The following ADAM28 variants were observed in gnomAD, a reference collection of about 807,000 sequenced individuals.
ADAM28 encodes the protein disintegrin and metalloproteinase domain-containing protein 28.
Under a neutral mutation model 101.2 loss-of-function variants are expected in ADAM28, and 105 were observed. The observed-to-expected ratio is 1.04, with a 90% CI of 0.89 to 1.22. ADAM28 has a LOEUF of 1.22. Among genes scored for constraint, ADAM28 ranks in the 50% most tolerant of loss-of-function variants. The pLI is 0.00. For missense variants in ADAM28, 1,028 were observed against 945.4 expected (o/e 1.09, Z -1.15); for synonymous variants, 322 against 310.6 (o/e 1.04, Z -0.39).
chr8:24,304,618 C>A (rs568753020), intron 2 of ADAM28, among the ~76,000 whole-genome samples: 4 of 152,110 alleles, frequency 2.6e-5, no homozygotes. Flanking sequence ...GTAATCCCAG[C>A]ACTTTGGGAG....
At chr8:24,324,193 C>T (rs1282563390) in intron 9 of ADAM28, among the ~76,000 whole-genome samples, 190 bp downstream of exon 9, 1 of 151,060 alleles carries the variant, frequency 6.6e-6, no homozygotes, top group African/African-American at 2.4e-5. Flanking sequence ...AATAATTTGG[C>T]AATAATTTAT....
At chr8:24,337,381 G>C (rs961273081) in intron 14 of ADAM28, among the ~76,000 whole-genome samples, 8 of 152,176 alleles carry the variant, frequency 5.3e-5, no homozygotes, top group South Asian at 2.1e-4. Flanking sequence ...TTATTATCTT[G>C]TAGTAAATAT....
rs1033798366 is a variant in ADAM28 at position 24,357,986 on chromosome 8, A to G, written c.*3582A>G. ...CTCCTGTTCACTAATTTCAAAATTT[A>G]TAGTTGTTTCTCTTGTTTACTTATA... On this transcript the variant is annotated 3_prime_UTR_variant, in exon 23 of 23. Transcript: ENST00000265769. The G allele has an allele frequency of 9.2e-5, 13 of 141,136 alleles. No individual in the cohort carries two copies. The highest frequency in any genetic ancestry group is 7.4e-5 in the African/African-American group (3 of 40,606). 8.7% of individuals were successfully genotyped at this position (141,136 alleles called of 1,614,324 possible). A position where few individuals can be genotyped will look rare whatever the true frequency, so the allele number is the denominator to read the frequency against.
At chr8:24,307,611 G>A (rs988306817) in intron 2 of ADAM28, among the ~76,000 whole-genome samples, 1 of 152,086 alleles carries the variant, frequency 6.6e-6, no homozygotes, top group African/African-American at 2.4e-5. Context: ...GTAAACTAAT[G>A]GACAAATGAA....
chr8:24,298,791 G>C (rs1305667450), intron 1 of ADAM28, among the ~76,000 whole-genome samples: 3 of 152,186 alleles, frequency 2.0e-5, no homozygotes, highest in Non-Finnish European at 2.9e-5. Context: ...CAGCTAAGGA[G>C]CAGGTCTATC....
chr8:24,310,223 C>T lies in ADAM28; in HGVS notation c.288C>T (p.Thr96=). 1 of 1,613,114 alleles carries T rather than the reference C, an allele frequency of 6.2e-7. No homozygotes were observed. The highest frequency in any genetic ancestry group is 8.5e-7 in the Non-Finnish European group (1 of 1,179,382). The change falls in exon 4 of 23, where the codon ACC becomes ACT. Residue 96 remains threonine (T), a synonymous_variant. Coordinates refer to ENST00000265769, the MANE Select transcript of ADAM28 (RefSeq NM_014265.6). ...TYYNSTGKEI[T]TSPQIMDDCY... is the part of the protein sequence containing the mutation. ...ATAATTCCACTGGAAAGGAGATCAC[C>T]ACAAGCCCACAAATTATGGTATAAC...
At chr8:24,301,437 A>G (rs748044337) in intron 2 of ADAM28, among the ~76,000 whole-genome samples, 1 of 152,216 alleles carries the variant, frequency 6.6e-6, no homozygotes, top group Non-Finnish European at 1.5e-5. Flanking sequence ...TTACCTGTAT[A>G]ACAAACTGGC....
In ADAM28 at chr8:24,354,519, G is replaced by T; in HGVS notation, c.*115G>T. 1 of 1,283,292 alleles carries T rather than the reference G, an allele frequency of 7.8e-7. No individual in the cohort carries two copies. The highest frequency in any genetic ancestry group is 1.1e-6 in the Non-Finnish European group (1 of 944,074). The allele number at this position is 1,283,292 out of a possible 1,614,324, so 79.5% of individuals were successfully genotyped here. A position where few individuals can be genotyped will look rare whatever the true frequency, so the allele number is the denominator to read the frequency against. On this transcript the variant is annotated 3_prime_UTR_variant, in exon 23 of 23. Transcript: ENST00000265769. The stretch of plus-strand genomic sequence containing the variant: ...CAGTATTTGCTCTCGACTCAAGAAG[G>T]TTAACATTTTCTGATTCATGTTAGA...
In ADAM28 at chr8:24,354,467, G is replaced by A; in HGVS notation, c.*63G>A. ...ACTTGGAAAACTGGAAAATCTGGAT[G>A]GCAGAGAAATATACTATCTATCTCA... is the stretch of plus-strand genomic sequence containing the variant. On this transcript the variant is annotated 3_prime_UTR_variant, in exon 23 of 23. Coordinates refer to ENST00000265769, the MANE Select transcript of ADAM28 (RefSeq NM_014265.6). 1.4e-6 allele frequency: 2 copies of A among 1,455,288 alleles called. No homozygotes were observed. Among genetic ancestry groups the A allele is most frequent in the East Asian group, 5.1e-5 (2 of 39,536 alleles). The allele number at this position is 1,455,288 out of a possible 1,614,324, so 90.1% of individuals were successfully genotyped here.
intron 2 of ADAM28, among the ~76,000 whole-genome samples, chr8:24,308,331 A>C (rs1181449570): frequency 6.6e-6 from 1 of 152,170 alleles, no homozygotes; most frequent in Non-Finnish European, 1.5e-5. Context: ...ACTCTCTTTC[A>C]TAGAGGCCCT....
chr8:24,323,933 G>A lies in ADAM28; in HGVS notation c.820G>A (p.Glu274Lys), dbSNP rs765442472. 3 of 1,612,176 alleles carry A rather than the reference G, an allele frequency of 1.9e-6. No individual in the cohort carries two copies. The South Asian group carries it at 3.3e-5, about 18-fold the overall frequency. Residue 274 changes from glutamate to lysine, a missense_variant, in exon 9 of 23, where the codon GAG (glutamate) becomes AAG (lysine). Physicochemically the swap from Glu to Lys is moderately conservative, Grantham distance 56 (BLOSUM62 1). Coordinates refer to ENST00000265769, the MANE Select transcript of ADAM28 (RefSeq NM_014265.6). ...AACCCCAAATGCAAGCTTCACCTTG[G>A]AGAATTTTTCTAAATGGAGGGGGAG... The part of the protein sequence containing the change: ...KITPNASFTL[E>K]NFSKWRGSVL...
At position 24,355,107 on chromosome 8, in the gene ADAM28, A is replaced by AT. The variant is rs1237931580; in HGVS notation, c.*704dup. 1 of 152,578 alleles carries AT rather than the reference A, an allele frequency of 6.6e-6. No homozygotes were observed. Among genetic ancestry groups the AT allele is most frequent in the African/African-American group, 2.4e-5 (1 of 41,460 alleles). 9.5% of individuals were successfully genotyped at this position (152,578 alleles called of 1,614,324 possible). The stretch of plus-strand genomic sequence containing the variant: ...TGCACTGCAAATATATTTGGTCTGA[A>AT]TGATATTGATATTGGACACATAGTA... On this transcript the variant is annotated 3_prime_UTR_variant, in exon 23 of 23. Coordinates refer to ENST00000265769, the MANE Select transcript of ADAM28 (RefSeq NM_014265.6).
intron 9 of ADAM28, among the ~76,000 whole-genome samples, chr8:24,325,373 CA>C (rs1812402162): frequency 6.6e-6 from 1 of 151,642 alleles, no homozygotes; most frequent in South Asian, 2.1e-4. Flanking sequence ...TACCATTTAC[CA>C]AACAAGTTAA....
chr8:24,313,904 T>A (rs961469860), intron 6 of ADAM28, among the ~76,000 whole-genome samples: 8 of 152,004 alleles, frequency 5.3e-5, no homozygotes, highest in African/African-American at 1.7e-4. Flanking sequence ...ATTATAGGCA[T>A]GTGCCACCAT....
chr8:24,326,708 G>T, intron 10 of ADAM28, 73 bp downstream of exon 10: 2 of 1,391,550 alleles, frequency 1.4e-6, no homozygotes, highest in South Asian at 2.6e-5. Context: ...CTATAGAGAA[G>T]ATCATGATAG....
chr8:24,332,754 G>A lies in ADAM28; in HGVS notation c.1371+5G>A, dbSNP rs879121015. On this transcript the variant is annotated splice_donor_5th_base_variant and intron_variant, in intron 13 of 22. Transcript: ENST00000265769. ...GAATGTTGTGAAAAATGCCAAGTAA[G>A]ATTATTTTATTCTATTTTAATAATT... 1 of 1,410,454 alleles carries A rather than the reference G, an allele frequency of 7.1e-7. No homozygotes were observed. Among genetic ancestry groups the A allele is most frequent in the Non-Finnish European group, 9.5e-7 (1 of 1,057,672 alleles). The allele number at this position is 1,410,454 out of a possible 1,614,324, so 87.4% of individuals were successfully genotyped here. A position where few individuals can be genotyped will look rare whatever the true frequency, so the allele number is the denominator to read the frequency against.
chr8:24,344,661 C>T (rs1004538009), intron 18 of ADAM28, among the ~76,000 whole-genome samples: 1 of 152,042 alleles, frequency 6.6e-6, no homozygotes, highest in Non-Finnish European at 1.5e-5. Flanking sequence ...ATTATATACA[C>T]ATGTATTTGT....
At chr8:24,313,756 C>CTTTTTTTTTT (rs1284941330) in intron 6 of ADAM28, among the ~76,000 whole-genome samples, 176 bp downstream of exon 6, 1 of 145,594 alleles carries the variant, frequency 6.9e-6, no homozygotes. Context: ...TAGGAATCAA[C>CTTTTTTTTTT]TATTTTTTTT....
Position 24,331,233 on chromosome 8 carries a change from T to C in ADAM28, c.1187T>C (p.Phe396Ser). ...GAAGATAAATTATCAAATTGCCTCT[T>C]TAATGCTCCATTGCCTACAGATATC... ...FFEDKLSNCL[F>S]NAPLPTDIIS... Residue 396 changes from phenylalanine (F) to serine (S), a missense_variant, in exon 12 of 23, where the codon TTT becomes TCT. Transcript: ENST00000265769. The C allele has an allele frequency of 6.2e-7, 1 of 1,613,594 alleles. No individual in the cohort carries two copies. The highest frequency in any genetic ancestry group is 8.5e-7 in the Non-Finnish European group (1 of 1,179,674).
Sources: gnomAD v4.1 joint callset for allele counts (sites outside exome capture counted in the v4.1 genomes callset) on GRCh38, gnomAD v4.1.1 for gene constraint, MANE v1.5 for transcripts, NCBI Gene and HGNC (gene_info 2026-07-23, HGNC 2026-07-21) for gene names.